RAB3B: variants seen among roughly 807,000 people sequenced by gnomAD.
RAB3B encodes the protein ras-related protein Rab-3B.
A neutral mutation model predicts 20.5 loss-of-function variants in RAB3B; 11 were observed. The ratio of observed to expected loss-of-function variants is 0.54; its 90% CI spans 0.34 to 0.89. RAB3B has a LOEUF of 0.89. Ranked by LOEUF, RAB3B falls within the 40% of genes least tolerant of loss-of-function variation. The pLI is 0.02. For synonymous variants in RAB3B, 99 were observed against 106.3 expected, an observed-to-expected ratio of 0.93 and a Z score of 0.42; for missense variants, 225 against 280.9, an observed-to-expected ratio of 0.80 and a Z score of 1.42.
chr1:51,974,797 T>C (rs1684985075), intron 2 of RAB3B, among the ~76,000 whole-genome samples: 1 of 152,210 alleles, frequency 6.6e-6, no homozygotes. Context: ...ATAGTGTTAA[T>C]TGTGAGATAG....
intron 2 of RAB3B, among the ~76,000 whole-genome samples, chr1:51,951,372 T>G (rs780891391): frequency 2.6e-4 from 39 of 152,236 alleles, no homozygotes; most frequent in Non-Finnish European, 4.3e-4. Flanking sequence ...CTTTTACAGA[T>G]AGAAAAACTG....
chr1:51,942,243 C>T (rs892629068), intron 2 of RAB3B, among the ~76,000 whole-genome samples: 8 of 152,208 alleles, frequency 5.3e-5, no homozygotes, highest in African/African-American at 1.9e-4. Context: ...AAACTATGCC[C>T]TGTTATTCTG....
chr1:51,942,684 T>C (rs543077843), intron 2 of RAB3B, among the ~76,000 whole-genome samples: 2 of 152,328 alleles, frequency 1.3e-5, no homozygotes, highest in South Asian at 2.1e-4. Flanking sequence ...GCGGGAATAA[T>C]AATAATACTT....
chr1:51,989,053 T>C (rs1218026978), intron 1 of RAB3B, among the ~76,000 whole-genome samples: 1 of 150,844 alleles, frequency 6.6e-6, no homozygotes, highest in Non-Finnish European at 1.5e-5. Context: ...GCTTCCATTG[T>C]CTTCCTCTGT....
intron 2 of RAB3B, among the ~76,000 whole-genome samples, chr1:51,964,772 T>A (rs1435965442): frequency 1.3e-5 from 2 of 152,214 alleles, no homozygotes; most frequent in Non-Finnish European, 2.9e-5. Flanking sequence ...AAAATCTGAC[T>A]ACTCTCACTA....
At chr1:51,967,076 G>A (rs758859991) in intron 2 of RAB3B, among the ~76,000 whole-genome samples, 1 of 152,320 alleles carries the variant, frequency 6.6e-6, no homozygotes, top group Non-Finnish European at 1.5e-5. Context: ...ACTTTGGGAG[G>A]CCGAGGCAGG....
intron 1 of RAB3B, chr1:51,980,822 G>C (rs1274885452): frequency 1.3e-6 from 1 of 741,918 alleles, no homozygotes; most frequent in Non-Finnish European, 2.5e-6. Flanking sequence ...CCCATGTAAG[G>C]AGCTGAGTCC....
intron 4 of RAB3B, among the ~76,000 whole-genome samples, chr1:51,926,691 T>C (rs1380710187): frequency 1.3e-5 from 2 of 152,228 alleles, no homozygotes; most frequent in East Asian, 3.8e-4. Flanking sequence ...AGAGAAACTA[T>C]GACAGGCTTT....
intron 4 of RAB3B, among the ~76,000 whole-genome samples, chr1:51,925,683 C>T (rs1042360483): frequency 6.6e-6 from 1 of 152,192 alleles, no homozygotes; most frequent in Non-Finnish European, 1.5e-5. Context: ...AGAAGCTTCA[C>T]TTTTTCTTCC....
chr1:51,977,794 C>T (rs1381866013), intron 1 of RAB3B, among the ~76,000 whole-genome samples: 1 of 152,004 alleles, frequency 6.6e-6, no homozygotes, highest in Admixed American at 6.6e-5. Flanking sequence ...AGAGCAAGAC[C>T]TCATCTCTAA....
Position 51,977,110 on chromosome 1 carries a change from G to A in RAB3B, c.8C>T (p.Ser3Leu). 1 of 1,613,918 alleles carries A rather than the reference G, an allele frequency of 6.2e-7. No individual in the cohort carries two copies. Among genetic ancestry groups the A allele is most frequent in the Non-Finnish European group, 8.5e-7 (1 of 1,179,850 alleles). MA[S>L]VTDGKTGVKD... Reference sequence around the variant, plus strand: ...GACTCCAGTTTTACCATCTGTCACTGAAGCCATCTGCAAGAGAGACCTAGA... The same window carrying A: ...GACTCCAGTTTTACCATCTGTCACTAAAGCCATCTGCAAGAGAGACCTAGA... Residue 3 changes from serine to leucine, a missense_variant, in exon 2 of 5, where the codon TCA becomes TTA. Transcript: ENST00000371655.
At chr1:51,948,946 T>C (rs1684598696) in intron 2 of RAB3B, among the ~76,000 whole-genome samples, 1 of 152,136 alleles carries the variant, frequency 6.6e-6, no homozygotes, top group Non-Finnish European at 1.5e-5. Context: ...AAAGGATAAA[T>C]GTATGGGGGT....
intron 1 of RAB3B, among the ~76,000 whole-genome samples, chr1:51,981,719 T>C (rs1360365928): frequency 6.6e-6 from 1 of 152,198 alleles, no homozygotes; most frequent in African/African-American, 2.4e-5. Flanking sequence ...ACAATGGCGG[T>C]CCCATAAGAT....
rs1403185123 is a variant in RAB3B at position 51,908,676 on chromosome 1, T to A, written c.*11251A>T. The A allele has an allele frequency of 6.6e-6, 1 of 152,046 alleles. No individual in the cohort carries two copies. The highest frequency in any genetic ancestry group is 1.5e-5 in the Non-Finnish European group (1 of 68,036). The allele number at this position is 152,046 out of a possible 1,614,324, so 9.4% of individuals were successfully genotyped here. ...TAGGTTTTCTCTTCAGCAGGCTTCC[T>A]CTTGTTCCCCTCTATCACCCCCAGA... On this transcript the variant is annotated 3_prime_UTR_variant, in exon 5 of 5. Coordinates refer to ENST00000371655, the MANE Select transcript of RAB3B (RefSeq NM_002867.4).
intron 4 of RAB3B, among the ~76,000 whole-genome samples, chr1:51,927,015 C>T (rs554896428): frequency 8.5e-5 from 13 of 152,324 alleles, no homozygotes; most frequent in African/African-American, 3.1e-4. Flanking sequence ...GAAGTGACAA[C>T]AAAGGTCACA....
At chr1:51,958,462 G>T (rs917464748) in intron 2 of RAB3B, among the ~76,000 whole-genome samples, 1 of 152,194 alleles carries the variant, frequency 6.6e-6, no homozygotes, top group Non-Finnish European at 1.5e-5. Context: ...GGTGGCTCAT[G>T]CCTGTAATCC....
At position 51,917,162 on chromosome 1, in the gene RAB3B, G is replaced by A. The variant is rs747205350; in HGVS notation, c.*2765C>T. 2 of 152,196 alleles carry A rather than the reference G, an allele frequency of 1.3e-5. No individual in the cohort carries two copies. Among genetic ancestry groups the A allele is most frequent in the Non-Finnish European group, 2.9e-5 (2 of 68,036 alleles). 9.4% of individuals were successfully genotyped at this position (152,196 alleles called of 1,614,324 possible). A position where few individuals can be genotyped will look rare whatever the true frequency, so the allele number is the denominator to read the frequency against. On this transcript the variant is annotated 3_prime_UTR_variant, in exon 5 of 5. Transcript: ENST00000371655. ...CACTATAGTGCCTCCCTCACAAGAT[G>A]TTGGGAAGATAAATGAGTTAATGCA...
chr1:51,938,217 C>A (rs1235450111), intron 2 of RAB3B, among the ~76,000 whole-genome samples: 1 of 151,838 alleles, frequency 6.6e-6, no homozygotes, highest in Non-Finnish European at 1.5e-5. Context: ...GTGAAATATA[C>A]AAATTCACAT....
intron 1 of RAB3B, among the ~76,000 whole-genome samples, chr1:51,979,051 G>A (rs201220819): frequency 6.6e-6 from 1 of 152,072 alleles, no homozygotes; most frequent in Non-Finnish European, 1.5e-5. Flanking sequence ...TTCCATCCCT[G>A]TATCAATCTG....
Sources: gnomAD v4.1 joint callset for allele counts (sites outside exome capture counted in the v4.1 genomes callset) on GRCh38, gnomAD v4.1.1 for gene constraint, MANE v1.5 for transcripts, NCBI Gene and HGNC (gene_info 2026-07-23, HGNC 2026-07-21) for gene names.